The following SAMD3 variants were observed in gnomAD, a reference collection of about 807,000 sequenced individuals.
SAMD3 encodes the protein sterile alpha motif domain containing 3.
In SAMD3, 63 loss-of-function variants were observed where a neutral mutation model predicts 58.5. That is an observed-to-expected ratio of 1.08 (90% confidence interval 0.88 to 1.33). The LOEUF is 1.33. Among genes scored for constraint, SAMD3 ranks in the 40% most tolerant of loss-of-function variants. The pLI is 0.00. For missense variants in SAMD3, 604 were observed against 608.4 expected, an observed-to-expected ratio of 0.99 and a Z score of 0.08; for synonymous variants, 220 against 210.3, an observed-to-expected ratio of 1.05 and a Z score of -0.40.
intron 2 of SAMD3, among the ~76,000 whole-genome samples, chr6:130,249,600 G>A (rs1233237507): frequency 6.6e-6 from 1 of 152,098 alleles, no homozygotes; most frequent in East Asian, 1.9e-4. Context: ...AAAGTAAGAA[G>A]CCAATAGAAG....
At chr6:130,172,130 T>C (rs890640179) in intron 8 of SAMD3, among the ~76,000 whole-genome samples, 3 of 152,224 alleles carry the variant, frequency 2.0e-5, no homozygotes, top group Admixed American at 2.0e-4. Flanking sequence ...GTCTCCTGAA[T>C]GCAGCACACT....
intron 2 of SAMD3, among the ~76,000 whole-genome samples, chr6:130,303,052 T>C (rs1775805703): frequency 6.6e-6 from 1 of 152,188 alleles, no homozygotes; most frequent in African/African-American, 2.4e-5. Flanking sequence ...ATGTATCCCC[T>C]GAATCTATAA....
intron 1 of SAMD3, among the ~76,000 whole-genome samples, chr6:130,336,820 C>G (rs949586561): frequency 6.6e-6 from 1 of 152,208 alleles, no homozygotes; most frequent in Non-Finnish European, 1.5e-5. Flanking sequence ...GGAATTTGCA[C>G]CTTGCTACAC....
upstream of SAMD3, among the ~76,000 whole-genome samples, chr6:130,225,641 T>G (rs1361138849): frequency 1.3e-5 from 2 of 152,238 alleles, no homozygotes; most frequent in African/African-American, 4.8e-5. Flanking sequence ...AACTGCTGCC[T>G]ACTCACTTCT....
At chr6:130,248,200 G>A (rs1210662029) in intron 2 of SAMD3, among the ~76,000 whole-genome samples, 1 of 150,736 alleles carries the variant, frequency 6.6e-6, no homozygotes, top group Non-Finnish European at 1.5e-5. Flanking sequence ...GTGTGTGTGT[G>A]TGTGTGTGTG....
chr6:130,284,370 A>G (rs1318789426), intron 2 of SAMD3, among the ~76,000 whole-genome samples: 1 of 152,302 alleles, frequency 6.6e-6, no homozygotes, highest in East Asian at 1.9e-4. Flanking sequence ...ACAGAAACTG[A>G]TCATATAATA....
At chr6:130,284,718 G>A (rs923267548) in intron 2 of SAMD3, among the ~76,000 whole-genome samples, 3 of 152,122 alleles carry the variant, frequency 2.0e-5, no homozygotes, top group Non-Finnish European at 4.4e-5. Flanking sequence ...TTAGGCTAGT[G>A]TATCTATATT....
chr6:130,195,232 C>T lies in SAMD3; in HGVS notation c.384-10609G>A, dbSNP rs189791315. ...TCTTGTATCCCCCTACCTTAACCCACAAGTATAAGATACCTCTAATCCCTC... is the reference window on the plus strand; with the variant it reads ...TCTTGTATCCCCCTACCTTAACCCATAAGTATAAGATACCTCTAATCCCTC... On this transcript the variant is annotated intron_variant, in intron 5 of 11. Transcript: ENST00000439090. Among the ~76,000 whole-genome samples the T allele has an allele frequency of 3.5e-3, 536 of 152,196 alleles. 7 individuals are homozygous for T. Among genetic ancestry groups the T allele is most frequent in the African/African-American group, 0.012 (513 of 41,498 alleles).
chr6:130,154,825 C>T lies in SAMD3; in HGVS notation c.1023G>A (p.Gln341=), dbSNP rs1252445156. The change falls in exon 9 of 12, where the codon CAG becomes CAA. Residue 341 remains glutamine, a splice_region_variant and synonymous_variant. Coordinates refer to ENST00000439090, the MANE Select transcript of SAMD3 (RefSeq NM_001017373.4). ...KLFPFLKCPY[Q]MFREFQLLTR... ...GTATATATATATAGAATAAAGATAC[C>T]TGATAAGGGCACTTCAAGAAAGGAA... The T allele has an allele frequency of 1.9e-6, 3 of 1,597,444 alleles. No individual in the cohort carries two copies. The South Asian group carries it at 3.3e-5, about 18-fold the overall frequency.
intron 5 of SAMD3, among the ~76,000 whole-genome samples, chr6:130,194,866 T>C (rs560765686): frequency 8.7e-4 from 132 of 152,110 alleles, no homozygotes; most frequent in African/African-American, 3.1e-3. Flanking sequence ...ACAGATGCTC[T>C]AGGTAACTCT....
In SAMD3 at chr6:130,278,765, G is replaced by A. The variant is rs562281357; in HGVS notation, c.-188+34213C>T. Reference sequence around the variant, plus strand: ...CTATTCATATTTTCCTGCACAATAAGGAGCTGAGAGGTTCATTCTTCCACG... The same window carrying A: ...CTATTCATATTTTCCTGCACAATAAAGAGCTGAGAGGTTCATTCTTCCACG... On this transcript the variant is annotated intron_variant, in intron 2 of 13. Transcript: ENST00000368134. 8.5e-5 allele frequency among the ~76,000 whole-genome samples: 13 copies of A among 152,210 alleles called. No homozygotes were observed. In the East Asian group the frequency reaches 2.5e-3, roughly 29 times the overall value.
At chr6:130,144,854 ATAAAACATCTGAACTTAATC>A (rs1211434216) in intron 11 of SAMD3, 50 bp from the exon 12 acceptor site, 1 of 1,475,170 alleles carries the variant, frequency 6.8e-7, no homozygotes, top group Non-Finnish European at 9.3e-7. Flanking sequence ...TAGCTAAATA[ATAAAACATCTGAACTTAATC>A]ATGGTATTAC....
chr6:130,318,279 G>T (rs1318406353), intron 1 of SAMD3, among the ~76,000 whole-genome samples: 1 of 151,854 alleles, frequency 6.6e-6, no homozygotes, highest in African/African-American at 2.4e-5. Flanking sequence ...GCCTAACAAA[G>T]CTTAAAAAAA....
chr6:130,224,595 A>T (rs548634702), upstream of SAMD3, among the ~76,000 whole-genome samples: 10 of 48,340 alleles, frequency 2.1e-4, no homozygotes, highest in African/African-American at 7.1e-4. Flanking sequence ...CTATTTATTT[A>T]TTATTATTAT....
intron 2 of SAMD3, among the ~76,000 whole-genome samples, chr6:130,312,304 A>C (rs2114989798): frequency 6.6e-6 from 1 of 152,372 alleles, no homozygotes; most frequent in South Asian, 2.1e-4. Context: ...CAAAAAGCAG[A>C]AGGCATTTTC....
At position 130,228,124 on chromosome 6, in the gene SAMD3, T is replaced by C. The variant is rs530091232; in HGVS notation, c.-187-5311A>G. 9.8e-5 allele frequency among the ~76,000 whole-genome samples: 15 copies of C among 152,336 alleles called. No individual in the cohort carries two copies. In the South Asian group the frequency reaches 3.1e-3, roughly 32 times the overall value. ...ACAATTGTGTGTTTCCATCCTTGTA[T>C]TCCCTGTGCTGAGCATTATAATATG... On this transcript the variant is annotated intron_variant, in intron 2 of 13. Transcript: ENST00000368134.
In SAMD3 at chr6:130,214,408, G is replaced by A. The variant is rs775349743; in HGVS notation, c.198C>T (p.Asn66=). ...LMDLIKKYKQ[N]TQGLKSPENP... ...TTTCTGGGGACTTCAGTCCTTGAGT[G>A]TTCTGCTTGTATTTTTTAATTAAAT... Residue 66 remains asparagine, a synonymous_variant, in exon 4 of 12, where the codon AAC becomes AAT. Coordinates refer to ENST00000439090, the MANE Select transcript of SAMD3 (RefSeq NM_001017373.4). The A allele has an allele frequency of 1.9e-6, 3 of 1,613,130 alleles. No individual in the cohort carries two copies. The highest frequency in any genetic ancestry group is 2.2e-5 in the South Asian group (2 of 90,962).
intron 2 of SAMD3, among the ~76,000 whole-genome samples, chr6:130,271,199 C>T (rs1197686973): frequency 6.6e-6 from 1 of 151,934 alleles, no homozygotes; most frequent in Non-Finnish European, 1.5e-5. Context: ...AGGGTTTCGC[C>T]ATGTTGCCCA....
intron 5 of SAMD3, among the ~76,000 whole-genome samples, chr6:130,207,163 AAAAAAAAAAG>A (rs1283426941): frequency 6.9e-6 from 1 of 144,204 alleles, no homozygotes; most frequent in African/African-American, 2.6e-5. Context: ...TCTCATCAAA[AAAAAAAAAAG>A]AAAAAAAAGA....
Sources: gnomAD v4.1 joint callset for allele counts (sites outside exome capture counted in the v4.1 genomes callset) on GRCh38, gnomAD v4.1.1 for gene constraint, MANE v1.5 for transcripts, NCBI Gene and HGNC (gene_info 2026-07-23, HGNC 2026-07-21) for gene names.